The following NOL4L variants were observed in gnomAD, a reference collection of about 807,000 sequenced individuals.
NOL4L encodes the protein nucleolar protein 4-like.
In NOL4L, 7 loss-of-function variants were observed where a neutral mutation model predicts 64.5. The ratio of observed to expected loss-of-function variants is 0.11; its 90% CI spans 0.06 to 0.20. The LOEUF is 0.20. Among genes scored for constraint, NOL4L ranks in the 10% least tolerant of loss-of-function variants. The probability of loss-of-function intolerance (pLI) is 1.00; values close to 1 mark genes in which losing one functional copy is unlikely to be tolerated. For synonymous variants in NOL4L, 413 were observed against 401.0 expected, an observed-to-expected ratio of 1.03 and a Z score of -0.36; for missense variants, 680 against 967.1, an observed-to-expected ratio of 0.70 and a Z score of 3.94.
intron 4 of NOL4L, among the ~76,000 whole-genome samples, chr20:32,506,172 G>A (rs1405086936): frequency 6.6e-6 from 1 of 152,128 alleles, no homozygotes; most frequent in East Asian, 1.9e-4. Flanking sequence ...TCTGAACCTT[G>A]ATCCCTAGTG....
In NOL4L at chr20:32,447,388, C is replaced by T. The variant is rs1010129143; in HGVS notation, c.*208G>A. On this transcript the variant is annotated 3_prime_UTR_variant, in exon 11 of 11. Transcript: ENST00000621426. ...CCTCTTCCAAGCAGGTCAGAGCACC[C>T]GTGTGGTGAGATTCCAAAAAAAAAA... 3.4e-5 allele frequency: 20 copies of T among 581,282 alleles called. No individual in the cohort carries two copies. Among genetic ancestry groups the T allele is most frequent in the Admixed American group, 1.0e-4 (2 of 19,564 alleles). The allele number at this position is 581,282 out of a possible 1,614,324, so 36.0% of individuals were successfully genotyped here.
intron 1 of NOL4L, among the ~76,000 whole-genome samples, chr20:32,554,140 G>T (rs544415010): frequency 2.4e-4 from 36 of 152,182 alleles, no homozygotes; most frequent in South Asian, 4.2e-4. Context: ...CTAACAGGGT[G>T]AAACCCCGTC....
intron 4 of NOL4L, chr20:32,509,680 C>A: frequency 9.1e-7 from 1 of 1,099,630 alleles, no homozygotes; most frequent in South Asian, 1.6e-5. Flanking sequence ...TCCCCTCCTT[C>A]CATTGACGCA....
rs1461343403 is a variant in NOL4L, at chr20:32,447,044, G to A, written c.*552C>T. 2.9e-6 allele frequency: 1 copy of A among 346,820 alleles called. No homozygotes were observed. Among genetic ancestry groups the A allele is most frequent in the African/African-American group, 2.2e-5 (1 of 45,018 alleles). 21.5% of individuals were successfully genotyped at this position (346,820 alleles called of 1,614,324 possible). A position where few individuals can be genotyped will look rare whatever the true frequency, so the allele number is the denominator to read the frequency against. ...GCCTGGCACCTGTCCTGCCCCTACT[G>A]GCCCCAGCCCACATCAGTGTAGTGA... On this transcript the variant is annotated 3_prime_UTR_variant, in exon 11 of 11. Transcript: ENST00000621426.
chr20:32,584,546 C>A lies in NOL4L; in HGVS notation c.321+24G>T, dbSNP rs748604108. ...CCCAAGCCCCGCGGCGGGACCCGCC[C>A]GCGGCCGCCGCGCGCGCACTCACCG... is the stretch of plus-strand genomic sequence containing the variant. On this transcript the variant is annotated intron_variant, in intron 1 of 10. Transcript: ENST00000621426. 3,654 of 1,320,990 alleles carry A rather than the reference C, an allele frequency of 2.8e-3. 5 individuals are homozygous for A. Among genetic ancestry groups the A allele is most frequent in the Non-Finnish European group, 3.1e-3 (3,204 of 1,030,908 alleles). 81.8% of individuals were successfully genotyped at this position (1,320,990 alleles called of 1,614,324 possible). A position where few individuals can be genotyped will look rare whatever the true frequency, so the allele number is the denominator to read the frequency against.
intron 1 of NOL4L, among the ~76,000 whole-genome samples, chr20:32,528,641 G>A (rs1034654999): frequency 6.6e-6 from 1 of 152,084 alleles, no homozygotes; most frequent in Admixed American, 6.5e-5. Context: ...GCAAACAGCT[G>A]TGGGGCTGAC....
At chr20:32,584,542 C>G (rs1377654549) in intron 1 of NOL4L, 28 bp downstream of exon 1, 4 of 1,319,654 alleles carry the variant, frequency 3.0e-6, no homozygotes, top group East Asian at 6.3e-5. Flanking sequence ...CGGCGGGACC[C>G]GCCCGCGGCC....
At chr20:32,520,734 C>A in intron 3 of NOL4L, 77 bp downstream of exon 3, 1 of 882,622 alleles carries the variant, frequency 1.1e-6, no homozygotes, top group Non-Finnish European at 1.7e-6. Context: ...TCTGTGCCAG[C>A]AAAAGCTGGC....
At chr20:32,528,810 G>A (rs2018239913) in intron 1 of NOL4L, among the ~76,000 whole-genome samples, 1 of 152,232 alleles carries the variant, frequency 6.6e-6, no homozygotes, top group Non-Finnish European at 1.5e-5. Flanking sequence ...ACACTAGGCT[G>A]TCAGCCACCA....
chr20:32,533,526 C>T (rs1435378553), intron 1 of NOL4L: 2 of 152,200 alleles, frequency 1.3e-5, no homozygotes, highest in Non-Finnish European at 2.9e-5. Context: ...TATAGACATG[C>T]TCTGTGCTTC....
At chr20:32,452,045 A>C (rs2012966434) in intron 10 of NOL4L, among the ~76,000 whole-genome samples, 191 bp downstream of exon 10, 1 of 152,186 alleles carries the variant, frequency 6.6e-6, no homozygotes, top group Non-Finnish European at 1.5e-5. Context: ...TTCACCTTCC[A>C]ATCTAAGGAC....
chr20:32,493,007 G>A (rs879076049), intron 4 of NOL4L, among the ~76,000 whole-genome samples: 1 of 152,196 alleles, frequency 6.6e-6, no homozygotes, highest in Non-Finnish European at 1.5e-5. Flanking sequence ...CCACCAGTGC[G>A]AGTCAGATGC....
Position 32,514,810 on chromosome 20 carries a change from T to C in NOL4L, c.590-3354A>G, listed in dbSNP as rs148022266. On this transcript the variant is annotated intron_variant, in intron 3 of 10. Transcript: ENST00000621426. Reference sequence around the variant, plus strand: ...GGGTCCTGTTTTCAGAGGTGGATGTTTGGACTGAGAATTCTGCCATTTCTG... The same window carrying C: ...GGGTCCTGTTTTCAGAGGTGGATGTCTGGACTGAGAATTCTGCCATTTCTG... 1.8e-4 allele frequency among the ~76,000 whole-genome samples: 27 copies of C among 152,194 alleles called. 1 individual carries two copies. In the East Asian group the frequency reaches 4.7e-3, roughly 26 times the overall value.
chr20:32,526,675 C>T (rs536612861), intron 2 of NOL4L, among the ~76,000 whole-genome samples: 1 of 152,290 alleles, frequency 6.6e-6, no homozygotes, highest in South Asian at 2.1e-4. Context: ...CAGAGAAAGT[C>T]GGCATGGAGG....
chr20:32,454,779 G>A (rs2013312004), intron 6 of NOL4L, among the ~76,000 whole-genome samples: 1 of 152,252 alleles, frequency 6.6e-6, no homozygotes, highest in Non-Finnish European at 1.5e-5. Flanking sequence ...GGCAGGCTCA[G>A]GGAACAGGTG....
At position 32,463,452 on chromosome 20, in the gene NOL4L, C is replaced by T. The variant is rs770599304; in HGVS notation, c.842-7057G>A. 1.1e-4 allele frequency among the ~76,000 whole-genome samples: 16 copies of T among 152,158 alleles called. No homozygotes were observed. Among genetic ancestry groups the T allele is most frequent in the Non-Finnish European group, 8.8e-5 (6 of 68,022 alleles). On this transcript the variant is annotated intron_variant, in intron 5 of 10. Transcript: ENST00000621426. The surrounding 1 kb of genome is among the most constrained non-coding windows in gnomAD (Gnocchi z 5.8). ...CCTGAGGGGCCTTGGGGAAGCAGCC[C>T]GGGATGCACCCCCTCTCAGCATTTC...
chr20:32,575,014 G>C (rs1342325773), intron 1 of NOL4L, among the ~76,000 whole-genome samples: 1 of 152,056 alleles, frequency 6.6e-6, no homozygotes, highest in Non-Finnish European at 1.5e-5. Context: ...CTGGTCCGTC[G>C]AGGAAACCCG....
chr20:32,490,018 A>G (rs1470234638), intron 4 of NOL4L, among the ~76,000 whole-genome samples: 2 of 148,532 alleles, frequency 1.3e-5, no homozygotes, highest in African/African-American at 5.0e-5. Flanking sequence ...AGTCCTAGCT[A>G]CTGGGGAGGC....
chr20:32,533,329 G>A (rs901317470), intron 1 of NOL4L: 3 of 152,174 alleles, frequency 2.0e-5, no homozygotes, highest in East Asian at 1.9e-4. Context: ...GGCATCACCT[G>A]GGAACTTGTT....
Sources: allele counts gnomAD v4.1 joint callset (sites outside exome capture counted in the v4.1 genomes callset), GRCh38; gene constraint gnomAD v4.1.1; non-coding constraint Gnocchi (gnomAD v3.1); transcripts MANE v1.5; gene names NCBI Gene and HGNC (gene_info 2026-07-23, HGNC 2026-07-21).